MDGA1: variants seen among roughly 807,000 people sequenced by gnomAD.
MDGA1 encodes MAM domain-containing glycosylphosphatidylinositol anchor protein 1.
A neutral mutation model predicts 101.5 loss-of-function variants in MDGA1; 54 were observed. That is an observed-to-expected ratio of 0.53 (90% confidence interval 0.43 to 0.67). The LOEUF is 0.67. Ranked by LOEUF, MDGA1 falls within the 30% of genes least tolerant of loss-of-function variation. The pLI, the probability that MDGA1 is intolerant of heterozygous loss-of-function variation, is 0.00. For missense variants in MDGA1, 1,083 were observed against 1,323.8 expected, an observed-to-expected ratio of 0.82 and a Z score of 2.82; for synonymous variants, 533 against 558.3, an observed-to-expected ratio of 0.95 and a Z score of 0.64.
At chr6:37,661,858 G>A (rs563759072) in intron 2 of MDGA1, among the ~76,000 whole-genome samples, 3 of 152,168 alleles carry the variant, frequency 2.0e-5, no homozygotes, top group African/African-American at 7.2e-5. Flanking sequence ...CAAAGTGCAG[G>A]AACAGATTGA....
chr6:37,696,674 G>T lies in MDGA1; in HGVS notation c.67+71C>A, dbSNP rs886311433. On this transcript the variant is annotated intron_variant, in intron 1 of 16. Coordinates refer to ENST00000434837, the MANE Select transcript of MDGA1 (RefSeq NM_153487.4). This position sits in a 1 kb window ranked among gnomAD's most constrained non-coding sequence, Gnocchi z 5.6. ...GAGGTCTCCACCAAACCCCGGCAGC[G>T]CGCACTTTGCGCCTCTTGCAAAGTT... 9.2e-5 allele frequency: 131 copies of T among 1,428,912 alleles called. No homozygotes were observed. Among genetic ancestry groups the T allele is most frequent in the Non-Finnish European group, 1.2e-4 (123 of 1,035,538 alleles). 88.5% of individuals were successfully genotyped at this position (1,428,912 alleles called of 1,614,324 possible). A position where few individuals can be genotyped will look rare whatever the true frequency, so the allele number is the denominator to read the frequency against.
intron 7 of MDGA1, 126 bp downstream of exon 7, chr6:37,651,885 G>T: frequency 1.3e-6 from 1 of 750,696 alleles, no homozygotes; most frequent in Non-Finnish European, 2.1e-6. Flanking sequence ...AAAAGCACGT[G>T]GCATGAACAA....
At chr6:37,663,848 C>A (rs570730624) in intron 2 of MDGA1, 119 bp downstream of exon 2, 2 of 1,161,858 alleles carry the variant, frequency 1.7e-6, no homozygotes, top group African/African-American at 1.5e-5. Context: ...ATCTCCTGTT[C>A]TCTGCCTCCA....
At chr6:37,672,490 C>T (rs1399269705) in intron 1 of MDGA1, among the ~76,000 whole-genome samples, 1 of 152,208 alleles carries the variant, frequency 6.6e-6, no homozygotes, top group Non-Finnish European at 1.5e-5. Context: ...TGCCCTCTTC[C>T]TGCTTCTGGC....
chr6:37,688,701 C>T (rs532460555), intron 1 of MDGA1, among the ~76,000 whole-genome samples: 17 of 152,324 alleles, frequency 1.1e-4, no homozygotes, highest in South Asian at 4.1e-4. Flanking sequence ...TCTCGTGAAA[C>T]GGAGTCCCCA....
chr6:37,650,331 A>T lies in MDGA1; in HGVS notation c.1387T>A (p.Cys463Ser). 6.3e-7 allele frequency: 1 copy of T among 1,585,526 alleles called. No individual in the cohort carries two copies. Among genetic ancestry groups the T allele is most frequent in the South Asian group, 1.1e-5 (1 of 87,816 alleles). ...VREGSPAELQCEVRGKPRPPV... is the reference protein window; with the variant it reads ...VREGSPAELQSEVRGKPRPPV... ...GGCCGCGGCTTGCCCCGCACCTCGCATTGCAGCTCGGCAGGCGATCCCTCG... is the reference window on the plus strand; with the variant it reads ...GGCCGCGGCTTGCCCCGCACCTCGCTTTGCAGCTCGGCAGGCGATCCCTCG... Residue 463 changes from cysteine (C) to serine (S), a missense_variant, in exon 8 of 17, where the codon TGC (cysteine) becomes AGC (serine). Around this residue, in one of 3 missense-constraint regions of MDGA1, gnomAD observed 657 missense variants for 771.4 expected, o/e 0.85. Coordinates refer to ENST00000434837, the MANE Select transcript of MDGA1 (RefSeq NM_153487.4).
At chr6:37,658,199 C>G in intron 3 of MDGA1, 46 bp downstream of exon 3, 4 of 1,500,430 alleles carry the variant, frequency 2.7e-6, no homozygotes, top group Non-Finnish European at 3.6e-6. Context: ...CCCTCTGGCC[C>G]GGGCTGGGCT....
rs1763857010 is a variant in MDGA1 at position 37,633,188 on chromosome 6, C to CAT, written c.*4179_*4180insAT. 6.6e-6 allele frequency: 1 copy of CAT among 152,154 alleles called. No individual in the cohort carries two copies. Among genetic ancestry groups the CAT allele is most frequent in the Non-Finnish European group, 1.5e-5 (1 of 68,100 alleles). The allele number at this position is 152,154 out of a possible 1,614,324, so 9.4% of individuals were successfully genotyped here. A position where few individuals can be genotyped will look rare whatever the true frequency, so the allele number is the denominator to read the frequency against. On this transcript the variant is annotated 3_prime_UTR_variant, in exon 17 of 17. Transcript: ENST00000434837. Reference sequence around the variant, plus strand: ...AGAGTGGTCCTTCTGCCCCAACACACACACACACACACACAAACACACGCA... The same window carrying CAT: ...AGAGTGGTCCTTCTGCCCCAACACACATACACACACACACACAAACACACGCA...
chr6:37,637,951 G>T (rs565729340), intron 16 of MDGA1: 96 of 570,198 alleles, frequency 1.7e-4, no homozygotes, highest in African/African-American at 1.5e-3. Flanking sequence ...ACAGGCACAG[G>T]AGGCGCTCTG....
chr6:37,692,637 C>T (rs957286476), intron 1 of MDGA1, among the ~76,000 whole-genome samples: 1 of 152,008 alleles, frequency 6.6e-6, no homozygotes, highest in Non-Finnish European at 1.5e-5. Context: ...CGGGCCTTGG[C>T]GGCTGTGATT....
intron 7 of MDGA1, among the ~76,000 whole-genome samples, chr6:37,650,676 C>T (rs1761340897): frequency 6.6e-6 from 1 of 152,236 alleles, no homozygotes; most frequent in Non-Finnish European, 1.5e-5. Context: ...CTAGTAAGTA[C>T]TAGGGATTCC....
chr6:37,654,686 G>A (rs1365906172), intron 5 of MDGA1, 114 bp downstream of exon 5: 2 of 1,538,454 alleles, frequency 1.3e-6, no homozygotes, highest in African/African-American at 2.7e-5. Flanking sequence ...AAGAGGAGGG[G>A]AGGGGCCAGA....
chr6:37,632,921 G>C lies in MDGA1; in HGVS notation c.*4447C>G, dbSNP rs569879977. On this transcript the variant is annotated 3_prime_UTR_variant, in exon 17 of 17. Coordinates refer to ENST00000434837, the MANE Select transcript of MDGA1 (RefSeq NM_153487.4). ...AGGAAGAATGCATGGAGACCTAGAGGGCCACCAGAGTTGGGCTGAGATGGT... is the reference window on the plus strand; with the variant it reads ...AGGAAGAATGCATGGAGACCTAGAGCGCCACCAGAGTTGGGCTGAGATGGT... 1 of 152,734 alleles carries C rather than the reference G, an allele frequency of 6.5e-6. No individual in the cohort carries two copies. Among genetic ancestry groups the C allele is most frequent in the Non-Finnish European group, 1.5e-5 (1 of 68,120 alleles). The allele number at this position is 152,734 out of a possible 1,614,324, so 9.5% of individuals were successfully genotyped here.
Position 37,650,321 on chromosome 6 carries a change from CGCACCTCGCATTGCAGCTCG to C in MDGA1, c.1377_1396del (p.Glu460GlyfsTer54). 1 of 1,588,902 alleles carries C rather than the reference CGCACCTCGCATTGCAGCTCG, an allele frequency of 6.3e-7. No homozygotes were observed. ...GAGCACTGGCGGCCGCGGCTTGCCC[CGCACCTCGCATTGCAGCTCG>C]GCAGGCGATCCCTCGCGCACGGTCA... On this transcript the variant is annotated frameshift_variant, in exon 8 of 17. Transcript: ENST00000434837. LOFTEE classifies it high-confidence loss of function.
intron 1 of MDGA1, among the ~76,000 whole-genome samples, chr6:37,694,625 A>G (rs1762379245): frequency 1.3e-5 from 2 of 152,074 alleles, no homozygotes; most frequent in Admixed American, 1.3e-4. Context: ...GTATCTGGCC[A>G]AAGATTCTAG....
chr6:37,680,891 G>A (rs922032959), intron 1 of MDGA1, among the ~76,000 whole-genome samples: 1 of 152,150 alleles, frequency 6.6e-6, no homozygotes, highest in African/African-American at 2.4e-5. Context: ...TTTGTGTTTT[G>A]TGAAAACCAA....
chr6:37,646,150 T>C lies in MDGA1; in HGVS notation c.2224+48A>G, dbSNP rs763985446. On this transcript the variant is annotated intron_variant, in intron 11 of 16. Coordinates refer to ENST00000434837, the MANE Select transcript of MDGA1 (RefSeq NM_153487.4). ...ACATGAGGATGGTGAAAGGGGTCCC[T>C]GGCCATGAGATGGGCCCATCCTTCC... The C allele has an allele frequency of 3.9e-6, 6 of 1,553,908 alleles. No individual in the cohort carries two copies. The Admixed American group carries it at 1.1e-4, about 28-fold the overall frequency.
chr6:37,655,062 C>T lies in MDGA1; in HGVS notation c.580-130G>A. On this transcript the variant is annotated intron_variant, in intron 4 of 16. Coordinates refer to ENST00000434837, the MANE Select transcript of MDGA1 (RefSeq NM_153487.4). This position sits in a 1 kb window ranked among gnomAD's most constrained non-coding sequence, Gnocchi z 5.1. ...TCCTCTCTTTCCATCCCCAACCCCACCCTCACCATTTAGCCCCAGGGGTCC... is the reference window on the plus strand; with the variant it reads ...TCCTCTCTTTCCATCCCCAACCCCATCCTCACCATTTAGCCCCAGGGGTCC... 1 of 1,170,058 alleles carries T rather than the reference C, an allele frequency of 8.5e-7. No homozygotes were observed. Among genetic ancestry groups the T allele is most frequent in the South Asian group, 1.5e-5 (1 of 65,580 alleles). 72.5% of individuals were successfully genotyped at this position (1,170,058 alleles called of 1,614,324 possible).
At chr6:37,679,845 G>A (rs147414426) in intron 1 of MDGA1, among the ~76,000 whole-genome samples, 12 of 152,234 alleles carry the variant, frequency 7.9e-5, no homozygotes, top group South Asian at 4.2e-4. Context: ...GGCACAGTGC[G>A]ACACCTGCCC....
Sources: allele counts gnomAD v4.1 joint callset (sites outside exome capture counted in the v4.1 genomes callset), GRCh38; gene constraint gnomAD v4.1.1; regional missense constraint gnomAD v4.1.1; non-coding constraint Gnocchi (gnomAD v3.1); transcripts MANE v1.5; gene names NCBI Gene and HGNC (gene_info 2026-07-23, HGNC 2026-07-21).